The following FAM131B variants were observed in gnomAD, a reference collection of about 807,000 sequenced individuals.
FAM131B encodes the protein protein FAM131B.
FAM131B carries 19 observed loss-of-function variants against 42.0 expected under a neutral mutation model. The observed-to-expected ratio is 0.45, with a 90% CI of 0.32 to 0.66. FAM131B has a LOEUF of 0.66. Among genes scored for constraint, FAM131B ranks in the 30% least tolerant of loss-of-function variants. The probability of loss-of-function intolerance (pLI) is 0.05; values close to 1 mark genes in which losing one functional copy is unlikely to be tolerated. For synonymous variants in FAM131B, 183 were observed against 177.6 expected (o/e 1.03, Z -0.24); for missense variants, 370 against 468.4 (o/e 0.79, Z 1.94).
rs1467458228 is a variant in FAM131B, at chr7:143,356,777, C to T, written c.856G>A (p.Asp286Asn). The T allele has an allele frequency of 1.9e-6, 3 of 1,614,006 alleles. No individual in the cohort carries two copies. The highest frequency in any genetic ancestry group is 2.7e-5 in the African/African-American group (2 of 74,906). ...ACTGCGCCTACCCCCGGAGCCCAGT[C>T]AGTGTCTCCCCCCAGCAAAGGTGGA... is the stretch of plus-strand genomic sequence containing the variant. ...EPPPLLGGDT[D>N]WAPGVGAVDL... The change falls in exon 7 of 7, where the codon GAC becomes AAC. Residue 286 changes from aspartate (D) to asparagine (N), a missense_variant. Physicochemically the swap from Asp to Asn is conservative, Grantham distance 23 (BLOSUM62 1). Transcript: ENST00000443739. The surrounding 1 kb of genome is among the most constrained non-coding windows in gnomAD (Gnocchi z 4.4).
At position 143,356,893 on chromosome 7, in the gene FAM131B, G is replaced by T; in HGVS notation, c.740C>A (p.Ser247Tyr). Residue 247 changes from serine to tyrosine, a missense_variant, in exon 7 of 7, where the codon TCC (serine) becomes TAC (tyrosine). Transcript: ENST00000443739. The surrounding 1 kb of genome is among the most constrained non-coding windows in gnomAD (Gnocchi z 4.4). The part of the protein sequence containing the change: ...QSLIASPATG[S>Y]YLGPAFDDSQ... ...GTCATCAAATGCAGGCCCAAGATAG[G>T]ATCCTGTGGCCGGAGAGGCAATGAG... 6.2e-7 allele frequency: 1 copy of T among 1,614,146 alleles called. No homozygotes were observed. Among genetic ancestry groups the T allele is most frequent in the Non-Finnish European group, 8.5e-7 (1 of 1,180,028 alleles).
At position 143,358,817 on chromosome 7, in the gene FAM131B, G is replaced by A. The variant is rs1468310086; in HGVS notation, c.466+10C>T. 6.2e-7 allele frequency: 1 copy of A among 1,612,764 alleles called. No homozygotes were observed. The highest frequency in any genetic ancestry group is 1.1e-5 in the South Asian group (1 of 90,850). ...CAAATGTGTCTCTTGAGGCTTTAGGGTACCTGTACCTGCTAGAAAACGTGC... is the reference window on the plus strand; with the variant it reads ...CAAATGTGTCTCTTGAGGCTTTAGGATACCTGTACCTGCTAGAAAACGTGC... On this transcript the variant is annotated intron_variant, in intron 5 of 6. Transcript: ENST00000443739. The surrounding 1 kb of genome is among the most constrained non-coding windows in gnomAD (Gnocchi z 4.7).
Position 143,362,535 on chromosome 7 carries a change from C to A in FAM131B, c.28+41G>T. 1.8e-6 allele frequency: 2 copies of A among 1,118,072 alleles called. No individual in the cohort carries two copies. Among genetic ancestry groups the A allele is most frequent in the Non-Finnish European group, 1.1e-6 (1 of 887,446 alleles). 69.3% of individuals were successfully genotyped at this position (1,118,072 alleles called of 1,614,324 possible). A position where few individuals can be genotyped will look rare whatever the true frequency, so the allele number is the denominator to read the frequency against. On this transcript the variant is annotated intron_variant, in intron 1 of 6. Coordinates refer to ENST00000443739, the MANE Select transcript of FAM131B (RefSeq NM_001031690.3). This position sits in a 1 kb window ranked among gnomAD's most constrained non-coding sequence, Gnocchi z 7.7. ...TGGGGGAGGGGGTCGGAGGGCGGCC[C>A]GGGGGGCCCAGCCCTGCCCCCGCCC...
chr7:143,364,813 A>C (rs1304394458), upstream of FAM131B, among the ~76,000 whole-genome samples: 1 of 152,246 alleles, frequency 6.6e-6, no homozygotes, highest in Non-Finnish European at 1.5e-5. Context: ...AGGGCACAAA[A>C]AAAGTTTAAG....
chr7:143,381,354 G>T, the FAM131B span: 1 of 1,152,424 alleles, frequency 8.7e-7, no homozygotes. Flanking sequence ...CGCAGAGTCT[G>T]CGGACCCGGC....
At chr7:143,377,859 A>G in the FAM131B span, among the ~76,000 whole-genome samples, 3 of 152,074 alleles carry the variant, frequency 2.0e-5, no homozygotes, top group Non-Finnish European at 4.4e-5. Context: ...GACTACAGGC[A>G]CGTGCCACCA....
chr7:143,360,465 G>A, intron 1 of FAM131B: 1 of 1,152,812 alleles, frequency 8.7e-7, no homozygotes, highest in Non-Finnish European at 1.1e-6. Context: ...GTTTCTGTAT[G>A]GGAGCTGGGC....
At position 143,358,892 on chromosome 7, in the gene FAM131B, A is replaced by T; in HGVS notation, c.401T>A (p.Val134Glu). 3.7e-6 allele frequency: 6 copies of T among 1,614,062 alleles called. No individual in the cohort carries two copies. Among genetic ancestry groups the T allele is most frequent in the Non-Finnish European group, 5.1e-6 (6 of 1,179,996 alleles). Reference protein sequence around the residue: ...AVQPQHSHESVRRDTDAYSDL... With the variant: ...AVQPQHSHESERRDTDAYSDL... ...GGAGTAGGCATCCGTATCCCTGCGC[A>T]CGGACTCATGGCTGTGTTGTGGCTG... The change falls in exon 5 of 7, where the codon GTG becomes GAG. Residue 134 changes from valine (V) to glutamate (E), a missense_variant. Coordinates refer to ENST00000443739, the MANE Select transcript of FAM131B (RefSeq NM_001031690.3). This position sits in a 1 kb window ranked among gnomAD's most constrained non-coding sequence, Gnocchi z 4.7.
the FAM131B span, chr7:143,382,164 T>G: frequency 2.6e-6 from 3 of 1,160,570 alleles, no homozygotes; most frequent in Non-Finnish European, 3.7e-6. Flanking sequence ...AGTTCTTGGG[T>G]TAGGGGTTAG....
Position 143,359,939 on chromosome 7 carries a change from G to A in FAM131B, c.138+101C>T, listed in dbSNP as rs1183202062. 9.6e-7 allele frequency: 1 copy of A among 1,036,472 alleles called. No individual in the cohort carries two copies. Among genetic ancestry groups the A allele is most frequent in the Non-Finnish European group, 1.5e-6 (1 of 680,386 alleles). The allele number at this position is 1,036,472 out of a possible 1,614,324, so 64.2% of individuals were successfully genotyped here. A position where few individuals can be genotyped will look rare whatever the true frequency, so the allele number is the denominator to read the frequency against. ...CTGCTTGGCATGTGTTGTGAGAAATGTTCTGTAGAAGTGTCAGTCTGAAGG... is the reference window on the plus strand; with the variant it reads ...CTGCTTGGCATGTGTTGTGAGAAATATTCTGTAGAAGTGTCAGTCTGAAGG... On this transcript the variant is annotated intron_variant, in intron 2 of 6. Transcript: ENST00000443739. The surrounding 1 kb of genome is among the most constrained non-coding windows in gnomAD (Gnocchi z 5.4).
In FAM131B at chr7:143,353,801, C is replaced by CA. The variant is rs1803527912; in HGVS notation, c.*2748dup. The CA allele has an allele frequency of 6.6e-6, 1 of 151,544 alleles. No individual in the cohort carries two copies. Among genetic ancestry groups the CA allele is most frequent in the Non-Finnish European group, 1.5e-5 (1 of 67,892 alleles). 9.4% of individuals were successfully genotyped at this position (151,544 alleles called of 1,614,324 possible). A position where few individuals can be genotyped will look rare whatever the true frequency, so the allele number is the denominator to read the frequency against. On this transcript the variant is annotated 3_prime_UTR_variant, in exon 7 of 7. Coordinates refer to ENST00000443739, the MANE Select transcript of FAM131B (RefSeq NM_001031690.3). ...GGAAGGTGTGTGGTGGGGGAGGGGA[C>CA]AATGGAGGGGGAGGAGTGGAAGATT...
upstream of FAM131B, among the ~76,000 whole-genome samples, chr7:143,366,703 A>G (rs987984835): frequency 5.9e-5 from 9 of 151,446 alleles, no homozygotes; most frequent in South Asian, 2.1e-4. Flanking sequence ...GACTACAGGC[A>G]CCCGCCACCA....
intron 6 of FAM131B, 105 bp from the exon 7 acceptor site, chr7:143,357,127 C>T: frequency 9.0e-7 from 1 of 1,108,184 alleles, no homozygotes; most frequent in Non-Finnish European, 1.4e-6. Context: ...AGAGAACTGG[C>T]AGTAAGACAC....
At chr7:143,377,254 G>A in the FAM131B span, among the ~76,000 whole-genome samples, 2 of 152,186 alleles carry the variant, frequency 1.3e-5, no homozygotes, top group African/African-American at 4.8e-5. Flanking sequence ...CACTGCGCCT[G>A]GCTGTGCTGT....
the FAM131B span, chr7:143,381,576 C>T: frequency 6.2e-7 from 1 of 1,609,614 alleles, no homozygotes; most frequent in South Asian, 1.1e-5. Context: ...CCGGCCATGG[C>T]GGCCCCCCGC....
At chr7:143,376,636 C>T in the FAM131B span, among the ~76,000 whole-genome samples, 1 of 152,336 alleles carries the variant, frequency 6.6e-6, no homozygotes, top group African/African-American at 2.4e-5. Flanking sequence ...CAGACCTCAT[C>T]CTGATGCGCG....
the FAM131B span, among the ~76,000 whole-genome samples, chr7:143,371,472 G>C: frequency 0.03 from 4,551 of 152,004 alleles, 142 homozygotes; most frequent in East Asian, 0.16. Context: ...AAATTAGCCA[G>C]GCCTGGTGGC....
In FAM131B at chr7:143,356,964, C is replaced by A; in HGVS notation, c.669G>T (p.Met223Ile). The change falls in exon 7 of 7, where the codon ATG (methionine) becomes ATT (isoleucine). Residue 223 changes from methionine to isoleucine, a missense_variant. By Grantham distance (10) the Met-to-Ile change is conservative. Coordinates refer to ENST00000443739, the MANE Select transcript of FAM131B (RefSeq NM_001031690.3). The surrounding 1 kb of genome is among the most constrained non-coding windows in gnomAD (Gnocchi z 4.4). Reference sequence around the variant, plus strand: ...AGGCATCTGACGACCCCAGACAGTACATACCCTGGGACACGTAAGAGTGAG... The same window carrying A: ...AGGCATCTGACGACCCCAGACAGTAAATACCCTGGGACACGTAAGAGTGAG... ...GWPHSYVSQGMYCLGSSDAWE... is the reference protein window; with the variant it reads ...GWPHSYVSQGIYCLGSSDAWE... 6.2e-7 allele frequency: 1 copy of A among 1,614,028 alleles called. No individual in the cohort carries two copies. The highest frequency in any genetic ancestry group is 8.5e-7 in the Non-Finnish European group (1 of 1,180,010).
Position 143,358,962 on chromosome 7 carries a change from C to T in FAM131B, c.331G>A (p.Ala111Thr). Residue 111 changes from alanine (A) to threonine (T), a missense_variant, in exon 5 of 7, where the codon GCC (alanine) becomes ACC (threonine). Ala to Thr is a moderately conservative substitution (Grantham distance 58). Coordinates refer to ENST00000443739, the MANE Select transcript of FAM131B (RefSeq NM_001031690.3). The surrounding 1 kb of genome is among the most constrained non-coding windows in gnomAD (Gnocchi z 4.7). ...KPTAMGQGRV[A>T]HMIEWQGWGK... ...CAGCCCTGCCACTCAATCATGTGGG[C>T]CACCCGGCCTTGCCCCATGGCTGTG... The T allele has an allele frequency of 1.2e-6, 2 of 1,614,042 alleles. No homozygotes were observed. The highest frequency in any genetic ancestry group is 1.7e-6 in the Non-Finnish European group (2 of 1,180,016).
Sources: allele counts gnomAD v4.1 joint callset (sites outside exome capture counted in the v4.1 genomes callset), GRCh38; gene constraint gnomAD v4.1.1; non-coding constraint Gnocchi (gnomAD v3.1); transcripts MANE v1.5; gene names NCBI Gene and HGNC (gene_info 2026-07-23, HGNC 2026-07-21).